TJP1: variants seen among roughly 807,000 people sequenced by gnomAD.
TJP1 encodes tight junction protein ZO-1.
In TJP1, 43 loss-of-function variants were observed where a neutral mutation model predicts 194.2. That is an observed-to-expected ratio of 0.22 (90% CI 0.17 to 0.29). The LOEUF (loss-of-function observed/expected upper bound fraction) is 0.29. TJP1 is among the 10% of genes least tolerant of loss of function. TJP1 has a pLI of 1.00. For missense variants in TJP1, 1,971 were observed against 2,185.7 expected (o/e 0.90, Z 1.96); for synonymous variants, 801 against 779.0 (o/e 1.03, Z -0.47).
intron 2 of TJP1, among the ~76,000 whole-genome samples, chr15:29,849,847 T>C (rs971722017): frequency 3.9e-5 from 6 of 152,032 alleles, no homozygotes; most frequent in African/African-American, 1.2e-4. Flanking sequence ...AGTGCTGGGA[T>C]TGTAGACGCG....
At position 29,925,543 on chromosome 15, in the gene TJP1, A is replaced by G. The variant is rs573086360; in HGVS notation, c.306+30689T>C. On this transcript the variant is annotated intron_variant, in intron 2 of 28. Coordinates refer to the TJP1 transcript ENST00000356107. The stretch of plus-strand genomic sequence containing the variant: ...TCCTCATCTTCAAAAGGGAGGTTAC[A>G]CCCTCTAAGCCGTGGCATTCACCAA... Among the ~76,000 whole-genome samples the G allele has an allele frequency of 6.6e-5, 10 of 152,286 alleles. No individual in the cohort carries two copies. The South Asian group carries it at 1.5e-3, about 22-fold the overall frequency.
At chr15:29,752,059 C>T (rs967676370) in intron 8 of TJP1, among the ~76,000 whole-genome samples, 3 of 151,948 alleles carry the variant, frequency 2.0e-5, no homozygotes, top group African/African-American at 7.3e-5. Context: ...CTCCTGAGTA[C>T]CCAGGATCAC....
At chr15:29,926,439 G>T (rs1017893842) in intron 2 of TJP1, among the ~76,000 whole-genome samples, 1 of 151,904 alleles carries the variant, frequency 6.6e-6, no homozygotes, top group Non-Finnish European at 1.5e-5. Context: ...TGGTGAAACC[G>T]TCTCTACAAA....
intron 11 of TJP1, among the ~76,000 whole-genome samples, chr15:29,736,070 T>C (rs984897895): frequency 6.6e-6 from 1 of 152,074 alleles, no homozygotes; most frequent in African/African-American, 2.4e-5. Context: ...GGCAGTATTA[T>C]GGAATCTAAG....
chr15:29,805,338 T>C (rs940886632), intron 1 of TJP1, among the ~76,000 whole-genome samples: 1 of 152,182 alleles, frequency 6.6e-6, no homozygotes, highest in African/African-American at 2.4e-5. Flanking sequence ...TCAGGACTGA[T>C]TACTGAATGG....
chr15:29,925,512 T>A (rs1350004805), intron 2 of TJP1, among the ~76,000 whole-genome samples: 1 of 152,222 alleles, frequency 6.6e-6, no homozygotes, highest in Non-Finnish European at 1.5e-5. Flanking sequence ...CTTCCATACC[T>A]GAGTTTCCTC....
At chr15:29,924,278 C>G (rs1272840730) in intron 2 of TJP1, among the ~76,000 whole-genome samples, 1 of 152,112 alleles carries the variant, frequency 6.6e-6, no homozygotes, top group Non-Finnish European at 1.5e-5. Flanking sequence ...GTTCCTCAGG[C>G]TGGTCTCAAA....
intron 2 of TJP1, among the ~76,000 whole-genome samples, chr15:29,945,626 C>T (rs1446682830): frequency 1.3e-5 from 2 of 152,030 alleles, no homozygotes; most frequent in Non-Finnish European, 2.9e-5. Context: ...TTACACTGAG[C>T]CAAGAGTAAG....
Position 29,718,003 on chromosome 15 carries a change from A to G in TJP1, c.3974+18T>C, listed in dbSNP as rs1305781394. On this transcript the variant is annotated intron_variant, in intron 22 of 27. Transcript: ENST00000614355. Reference sequence around the variant, plus strand: ...TCCTGGTCAGTTCTATGCCACAAAGAGCACAAAGTGTACTCACCTGTACAG... The same window carrying G: ...TCCTGGTCAGTTCTATGCCACAAAGGGCACAAAGTGTACTCACCTGTACAG... The G allele has an allele frequency of 6.2e-7, 1 of 1,600,338 alleles. No individual in the cohort carries two copies. The highest frequency in any genetic ancestry group is 1.1e-5 in the South Asian group (1 of 88,156).
chr15:29,812,808 T>C (rs1179489681), intron 1 of TJP1, among the ~76,000 whole-genome samples: 1 of 152,210 alleles, frequency 6.6e-6, no homozygotes, highest in Non-Finnish European at 1.5e-5. Context: ...TCAGTATCTG[T>C]CACAGAGTCA....
intron 12 of TJP1, among the ~76,000 whole-genome samples, chr15:29,733,928 T>C (rs1286659155): frequency 1.3e-5 from 2 of 152,368 alleles, no homozygotes; most frequent in East Asian, 3.9e-4. Flanking sequence ...CATCTGAGTG[T>C]ATTGCTTAGA....
rs1255883385 is a variant in TJP1, at chr15:29,700,479, T to C, written c.*1116A>G. ...AAAAAAAATGACCTTGCATGTGTCA[T>C]AGAAACGCTGCTTTATTGCTGCAGA... On this transcript the variant is annotated 3_prime_UTR_variant, in exon 28 of 28. Coordinates refer to ENST00000614355, the MANE Select transcript of TJP1 (RefSeq NM_001330239.4). 5.0e-6 allele frequency: 2 copies of C among 398,784 alleles called. No individual in the cohort carries two copies. Among genetic ancestry groups the C allele is most frequent in the South Asian group, 1.3e-4 (1 of 7,858 alleles). 24.7% of individuals were successfully genotyped at this position (398,784 alleles called of 1,614,324 possible).
intron 27 of TJP1, 65 bp downstream of exon 27, chr15:29,704,097 T>C: frequency 6.8e-7 from 1 of 1,480,914 alleles, no homozygotes; most frequent in East Asian, 2.5e-5. Context: ...GGCAGCATCA[T>C]CAGCCCAGGT....
chr15:29,802,861 G>A (rs926816164), intron 1 of TJP1, among the ~76,000 whole-genome samples: 6 of 152,136 alleles, frequency 3.9e-5, no homozygotes, highest in Non-Finnish European at 7.3e-5. Flanking sequence ...AATGGCAAGT[G>A]ATGTGATAAC....
chr15:29,880,336 A>G (rs1257492924), intron 2 of TJP1, among the ~76,000 whole-genome samples: 4 of 152,212 alleles, frequency 2.6e-5, no homozygotes, highest in African/African-American at 4.8e-5. Context: ...TAGTGTGTGT[A>G]ATTTGATGAA....
At chr15:29,758,566 T>C (rs2045798309) in intron 8 of TJP1, among the ~76,000 whole-genome samples, 1 of 152,226 alleles carries the variant, frequency 6.6e-6, no homozygotes. Flanking sequence ...TGGCCCAACA[T>C]TTGAGATTTT....
chr15:29,912,746 C>A lies in TJP1; in HGVS notation c.306+43486G>T, dbSNP rs866813950. Among the ~76,000 whole-genome samples, 68 of 137,116 alleles carry A rather than the reference C, an allele frequency of 5.0e-4. No individual in the cohort carries two copies. In the South Asian group the frequency reaches 0.017, roughly 33 times the overall value. The allele number at this position is 137,116 out of a possible 152,430, so 90.0% of individuals were successfully genotyped here. On this transcript the variant is annotated intron_variant, in intron 2 of 28. Transcript: ENST00000356107. ...AAAGAGGGAGCTTGGAAAAAATATT[C>A]TGGGAGGTGATGGAACTGTTCTGAA...
intron 8 of TJP1, among the ~76,000 whole-genome samples, chr15:29,743,818 AC>A (rs1256145424): frequency 1.3e-5 from 2 of 152,216 alleles, no homozygotes; most frequent in African/African-American, 4.8e-5. Context: ...AAAAGGATGT[AC>A]AAATACGTAA....
At chr15:29,810,299 T>C (rs1567074060) in intron 1 of TJP1, among the ~76,000 whole-genome samples, 3 of 152,180 alleles carry the variant, frequency 2.0e-5, no homozygotes, top group Non-Finnish European at 4.4e-5. Context: ...TTCATTATAT[T>C]CCCCACATCC....
Sources: allele counts gnomAD v4.1 joint callset (sites outside exome capture counted in the v4.1 genomes callset), GRCh38; gene constraint gnomAD v4.1.1; transcripts MANE v1.5; gene names NCBI Gene and HGNC (gene_info 2026-07-23, HGNC 2026-07-21).